ZSWIM9: variants seen among roughly 807,000 people sequenced by gnomAD.
ZSWIM9 encodes uncharacterized protein ZSWIM9.
ZSWIM9 carries 11 observed loss-of-function variants against 25.0 expected under a neutral mutation model. That is an observed-to-expected ratio of 0.44 (90% CI 0.28 to 0.73). ZSWIM9 has a LOEUF of 0.73. Ranked by LOEUF, ZSWIM9 falls within the 30% of genes least tolerant of loss-of-function variation. The pLI, the probability that ZSWIM9 is intolerant of heterozygous loss-of-function variation, is 0.16. For missense variants in ZSWIM9, 1,070 were observed against 1,296.5 expected (o/e 0.83, Z 2.68); for synonymous variants, 562 against 582.1 (o/e 0.97, Z 0.50).
At chr19:48,184,176 A>G (rs1231771494) in intron 3 of ZSWIM9, among the ~76,000 whole-genome samples, 1 of 151,912 alleles carries the variant, frequency 6.6e-6, no homozygotes, top group Non-Finnish European at 1.5e-5. Flanking sequence ...TGCTGTTTGA[A>G]TTGGTCAGGG....
Position 48,197,285 on chromosome 19 carries a change from T to C in ZSWIM9, c.*458T>C, listed in dbSNP as rs748961553. 2.9e-6 allele frequency: 2 copies of C among 691,412 alleles called. No homozygotes were observed. The highest frequency in any genetic ancestry group is 3.0e-5 in the South Asian group (2 of 66,918). 42.8% of individuals were successfully genotyped at this position (691,412 alleles called of 1,614,324 possible). A position where few individuals can be genotyped will look rare whatever the true frequency, so the allele number is the denominator to read the frequency against. On this transcript the variant is annotated 3_prime_UTR_variant, in exon 4 of 4. Coordinates refer to ENST00000614654, the MANE Select transcript of ZSWIM9 (RefSeq NM_199341.4). ...AGGAGAGGAGGTAAGCGAGAAAAAA[T>C]GGAAAGGGGAGCCGGAAATGGAGGA...
chr19:48,192,124 A>G (rs409135), intron 3 of ZSWIM9: 65,620 of 153,584 alleles, frequency 0.43, 14,335 homozygotes, highest in East Asian at 0.53. Context: ...TTTTATATTT[A>G]TTTATCCTTG....
At chr19:48,179,650 G>A (rs2123213853) in intron 2 of ZSWIM9, among the ~76,000 whole-genome samples, 1 of 152,292 alleles carries the variant, frequency 6.6e-6, no homozygotes, top group South Asian at 2.1e-4. Flanking sequence ...TCGTAACAGA[G>A]GAGAACTGGA....
At chr19:48,191,386 A>G (rs1241068142) in intron 3 of ZSWIM9, among the ~76,000 whole-genome samples, 2 of 151,938 alleles carry the variant, frequency 1.3e-5, no homozygotes, top group African/African-American at 4.8e-5. Context: ...TGTATTTTTA[A>G]TAGAGGTGGG....
chr19:48,174,805 A>G (rs1268846391), intron 2 of ZSWIM9: 1 of 152,214 alleles, frequency 6.6e-6, no homozygotes, highest in African/African-American at 2.4e-5. Flanking sequence ...CTAATCTGAA[A>G]CCTATTAACA....
intron 3 of ZSWIM9, among the ~76,000 whole-genome samples, chr19:48,186,231 C>T (rs967974287): frequency 6.6e-6 from 1 of 150,732 alleles, no homozygotes; most frequent in African/African-American, 2.5e-5. Flanking sequence ...ACTTTATTTC[C>T]TCTTTCTGCC....
chr19:48,172,108 G>A, intron 2 of ZSWIM9, 31 bp downstream of exon 2: 1 of 1,484,140 alleles, frequency 6.7e-7, no homozygotes, highest in South Asian at 1.3e-5. Context: ...GTCCTGCTGG[G>A]GGGAAGGGGA....
intron 3 of ZSWIM9, among the ~76,000 whole-genome samples, chr19:48,187,508 AT>A (rs1438392656): frequency 1.2e-5 from 1 of 86,814 alleles, no homozygotes; most frequent in African/African-American, 4.7e-5. Flanking sequence ...ATATTATATT[AT>A]ATTATATATA....
rs2037131912 is a variant in ZSWIM9 at position 48,194,354 on chromosome 19, A to T, written c.589-299A>T. 6.6e-6 allele frequency among the ~76,000 whole-genome samples: 1 copy of T among 152,186 alleles called. No homozygotes were observed. ...TGCCTCTCAGCACACGGAGGAATGAATAGCCAGCTTCCGGCGGAGGAAACT... is the reference window on the plus strand; with the variant it reads ...TGCCTCTCAGCACACGGAGGAATGATTAGCCAGCTTCCGGCGGAGGAAACT... On this transcript the variant is annotated intron_variant, in intron 3 of 3. Transcript: ENST00000614654. This position sits in a 1 kb window ranked among gnomAD's most constrained non-coding sequence, Gnocchi z 6.0.
rs191983347 is a variant in ZSWIM9, at chr19:48,185,710, G to C, written c.588+2943G>C. On this transcript the variant is annotated intron_variant, in intron 3 of 3. Transcript: ENST00000614654. ...ATAGAAATGTTCCTTATCCAGGCTA[G>C]GCATGGTTACTCACACCTGTAATCC... Among the ~76,000 whole-genome samples, 607 of 152,280 alleles carry C rather than the reference G, an allele frequency of 4.0e-3. 2 individuals are homozygous for C. Among genetic ancestry groups the C allele is most frequent in the Non-Finnish European group, 5.1e-3 (348 of 68,034 alleles).
rs538768431 is a variant in ZSWIM9 at position 48,195,637 on chromosome 19, G to C, written c.1573G>C (p.Gly525Arg). Reference sequence around the variant, plus strand: ...GGCACTGCAGATCAGAGATTGGAGAGGGGGTCGGTTGGAGAATCAGAAGCC... The same window carrying C: ...GGCACTGCAGATCAGAGATTGGAGACGGGGTCGGTTGGAGAATCAGAAGCC... ...GRALQIRDWR[G>R]GRLENQKPRG... The change falls in exon 4 of 4, where the codon GGG (glycine) becomes CGG (arginine). Residue 525 changes from glycine (G) to arginine (R), a missense_variant. Gly to Arg is a moderately radical substitution (Grantham distance 125, BLOSUM62 -2). Transcript: ENST00000614654. This position sits in a 1 kb window ranked among gnomAD's most constrained non-coding sequence, Gnocchi z 5.8. The C allele has an allele frequency of 2.8e-6, 4 of 1,424,976 alleles. No individual in the cohort carries two copies. The East Asian group carries it at 1.1e-4, about 39-fold the overall frequency. 88.3% of individuals were successfully genotyped at this position (1,424,976 alleles called of 1,614,324 possible). A position where few individuals can be genotyped will look rare whatever the true frequency, so the allele number is the denominator to read the frequency against.
At chr19:48,183,201 T>C (rs1360766011) in intron 3 of ZSWIM9, 1 of 154,336 alleles carries the variant, frequency 6.5e-6, no homozygotes, top group African/African-American at 2.4e-5. Context: ...CGATCTGGGT[T>C]CACTGCAACC....
Position 48,196,057 on chromosome 19 carries a change from G to C in ZSWIM9, c.1993G>C (p.Gly665Arg). The C allele has an allele frequency of 7.9e-7, 1 of 1,262,166 alleles. No homozygotes were observed. Among genetic ancestry groups the C allele is most frequent in the Non-Finnish European group, 9.9e-7 (1 of 1,006,176 alleles). The allele number at this position is 1,262,166 out of a possible 1,614,324, so 78.2% of individuals were successfully genotyped here. ...GGGGCTGGAGGTCAGAAACTTGAGG[G>C]GGATCCCCTTGGAGAAGTCCCTGGA... is the stretch of plus-strand genomic sequence containing the variant. ...GRGLEVRNLR[G>R]IPLEKSLELA... The change falls in exon 4 of 4, where the codon GGG becomes CGG. Residue 665 changes from glycine to arginine, a missense_variant. Transcript: ENST00000614654.
chr19:48,190,697 T>C (rs1351230616), intron 3 of ZSWIM9: 2 of 153,644 alleles, frequency 1.3e-5, no homozygotes, highest in African/African-American at 2.4e-5. Flanking sequence ...CAGGGTACTG[T>C]TTCATCAAGG....
chr19:48,178,430 T>C (rs944913540), intron 2 of ZSWIM9, among the ~76,000 whole-genome samples: 2 of 152,114 alleles, frequency 1.3e-5, no homozygotes, highest in Non-Finnish European at 2.9e-5. Flanking sequence ...GGAAAAAGCA[T>C]AGGAGGGCTT....
At chr19:48,180,721 A>G (rs1485936455) in intron 2 of ZSWIM9, 3 of 151,558 alleles carry the variant, frequency 2.0e-5, no homozygotes, top group Non-Finnish European at 4.4e-5. Context: ...ATGCTCGGAA[A>G]CAAAGAGTTT....
chr19:48,196,513 G>A lies in ZSWIM9; in HGVS notation c.2449G>A (p.Glu817Lys), dbSNP rs1485507572. The A allele has an allele frequency of 4.1e-6, 5 of 1,232,414 alleles. No individual in the cohort carries two copies. In the African/African-American group the frequency reaches 6.2e-5, roughly 15 times the overall value. 76.3% of individuals were successfully genotyped at this position (1,232,414 alleles called of 1,614,324 possible). A position where few individuals can be genotyped will look rare whatever the true frequency, so the allele number is the denominator to read the frequency against. The change falls in exon 4 of 4, where the codon GAG (glutamate) becomes AAG (lysine). Residue 817 changes from glutamate to lysine, a missense_variant. This residue lies in a region of ZSWIM9 where 583 missense variants were observed against 624.7 expected (regional missense o/e 0.93). Transcript: ENST00000614654. ...GCTTTGCCGACCCCCGGGAGAGGAG[G>A]AGGTGGACTGGGAACCCCTGGCCAA... ...KRLCRPPGEE[E>K]VDWEPLAKFR...
Position 48,196,882 on chromosome 19 carries a change from G to A in ZSWIM9, c.*55G>A, listed in dbSNP as rs2037173910. On this transcript the variant is annotated 3_prime_UTR_variant, in exon 4 of 4. Coordinates refer to ENST00000614654, the MANE Select transcript of ZSWIM9 (RefSeq NM_199341.4). The stretch of plus-strand genomic sequence containing the variant: ...CCAGGAGGGTCGGAGGGCATTCTTC[G>A]ATCCCAAAGATAATAGGGCTGAGGC... The A allele has an allele frequency of 5.6e-6, 7 of 1,246,712 alleles. No homozygotes were observed. The highest frequency in any genetic ancestry group is 7.0e-6 in the Non-Finnish European group (7 of 996,408). The allele number at this position is 1,246,712 out of a possible 1,614,324, so 77.2% of individuals were successfully genotyped here. A position where few individuals can be genotyped will look rare whatever the true frequency, so the allele number is the denominator to read the frequency against.
chr19:48,177,477 A>G (rs986451631), intron 2 of ZSWIM9, among the ~76,000 whole-genome samples: 2 of 152,196 alleles, frequency 1.3e-5, no homozygotes, highest in African/African-American at 4.8e-5. Flanking sequence ...ATTCCTATCC[A>G]TGTGGAATTT....
Sources: gnomAD v4.1 joint callset for allele counts (sites outside exome capture counted in the v4.1 genomes callset) on GRCh38, gnomAD v4.1.1 for gene constraint, gnomAD v4.1.1 regional missense constraint, Gnocchi (gnomAD v3.1) non-coding constraint, MANE v1.5 for transcripts, NCBI Gene and HGNC (gene_info 2026-07-23, HGNC 2026-07-21) for gene names.